RAPGEF6: variants seen among roughly 807,000 people sequenced by gnomAD.
The protein encoded by RAPGEF6 is PDZ domain containing guanine nucleotide exchange factor (GEF) 2.
A neutral mutation model predicts 171.4 loss-of-function variants in RAPGEF6; 56 were observed. The observed-to-expected ratio is 0.33, with a 90% CI of 0.26 to 0.41. The LOEUF (loss-of-function observed/expected upper bound fraction) is 0.41. Ranked by LOEUF, RAPGEF6 falls within the 10% of genes least tolerant of loss-of-function variation. The pLI is 1.00. For synonymous variants in RAPGEF6, 692 were observed against 650.1 expected (o/e 1.06, Z -0.98); for missense variants, 1,674 against 1,921.4 (o/e 0.87, Z 2.41).
intron 1 of RAPGEF6, among the ~76,000 whole-genome samples, chr5:131,618,952 C>T (rs1012828046): frequency 3.3e-5 from 5 of 151,324 alleles, no homozygotes; most frequent in East Asian, 1.9e-4. Flanking sequence ...TCACCTTAAT[C>T]TAATCATGAG....
intron 11 of RAPGEF6, among the ~76,000 whole-genome samples, chr5:131,501,437 A>T (rs1258880791): frequency 6.6e-6 from 1 of 152,138 alleles, no homozygotes; most frequent in Non-Finnish European, 1.5e-5. Context: ...CAGTAAAAAT[A>T]ACATATTTTC....
At chr5:131,585,599 A>C (rs1419524006) in intron 4 of RAPGEF6, among the ~76,000 whole-genome samples, 1 of 152,022 alleles carries the variant, frequency 6.6e-6, no homozygotes, top group African/African-American at 2.4e-5. Flanking sequence ...GCCGAGGTGG[A>C]TGGATCACCT....
chr5:131,546,484 G>A (rs1181820625), intron 6 of RAPGEF6, among the ~76,000 whole-genome samples: 1 of 151,880 alleles, frequency 6.6e-6, no homozygotes, highest in Non-Finnish European at 1.5e-5. Flanking sequence ...GGCGCCTGTA[G>A]TCCCAGCTAC....
chr5:131,433,689 C>CA (rs747407474), intron 24 of RAPGEF6, 31 bp from the exon 25 acceptor site: 10 of 1,433,120 alleles, frequency 7.0e-6, no homozygotes, highest in Middle Eastern at 3.6e-4. Context: ...GATCAAACTA[C>CA]AAAAAAAGGG....
intron 26 of RAPGEF6, 135 bp downstream of exon 26, chr5:131,430,724 T>C (rs1751647709): frequency 8.1e-7 from 1 of 1,237,400 alleles, no homozygotes; most frequent in South Asian, 1.2e-5. Flanking sequence ...GGAAATAACT[T>C]GTTTGTTTGT....
intron 4 of RAPGEF6, among the ~76,000 whole-genome samples, chr5:131,579,866 C>T (rs1387380046): frequency 6.6e-6 from 1 of 152,240 alleles, no homozygotes; most frequent in African/African-American, 2.4e-5. Flanking sequence ...GGCGCATATA[C>T]AATCCCTGAG....
chr5:131,523,225 G>A (rs900576395), intron 6 of RAPGEF6, among the ~76,000 whole-genome samples: 1 of 147,332 alleles, frequency 6.8e-6, no homozygotes, highest in African/African-American at 2.5e-5. Flanking sequence ...TTCGTTAAGA[G>A]CCAAAGAATA....
intron 4 of RAPGEF6, among the ~76,000 whole-genome samples, chr5:131,572,011 C>T (rs1468826864): frequency 6.6e-6 from 1 of 152,154 alleles, no homozygotes; most frequent in African/African-American, 2.4e-5. Flanking sequence ...CTAACACCAC[C>T]GCCTATCTCA....
intron 6 of RAPGEF6, among the ~76,000 whole-genome samples, chr5:131,543,981 A>G (rs1760333677): frequency 6.6e-6 from 1 of 152,194 alleles, no homozygotes; most frequent in South Asian, 2.1e-4. Context: ...GTCATCAGGG[A>G]TACATAAAAT....
intron 15 of RAPGEF6, among the ~76,000 whole-genome samples, chr5:131,482,267 C>T (rs545881754): frequency 7.6e-5 from 6 of 78,466 alleles, no homozygotes; most frequent in African/African-American, 2.1e-4. Context: ...TATACACACA[C>T]GTGTGTGTAT....
chr5:131,480,993 G>A (rs189639303), intron 15 of RAPGEF6, among the ~76,000 whole-genome samples: 6 of 151,234 alleles, frequency 4.0e-5, no homozygotes, highest in East Asian at 2.0e-4. Flanking sequence ...GTGCAATGGC[G>A]CAATCTTGGC....
chr5:131,504,596 G>C (rs1757229729), intron 11 of RAPGEF6, 30 bp downstream of exon 11: 2 of 1,537,060 alleles, frequency 1.3e-6, no homozygotes, highest in Non-Finnish European at 8.7e-7. Context: ...AATAAAATCA[G>C]TGACTAGAAA....
At position 131,570,217 on chromosome 5, in the gene RAPGEF6, G is replaced by A. The variant is rs532889785; in HGVS notation, c.282-8170C>T. ...AGACATTTCACCAAAGAAGATACAG[G>A]AATGTCTAGTAAGCACATAAAAAGA... On this transcript the variant is annotated intron_variant, in intron 4 of 27. Transcript: ENST00000509018. Among the ~76,000 whole-genome samples, 31 of 152,072 alleles carry A rather than the reference G, an allele frequency of 2.0e-4. No homozygotes were observed. The South Asian group carries it at 6.4e-3, about 32-fold the overall frequency.
intron 16 of RAPGEF6, among the ~76,000 whole-genome samples, chr5:131,478,638 A>G (rs1460168295): frequency 6.6e-6 from 1 of 152,178 alleles, no homozygotes; most frequent in Non-Finnish European, 1.5e-5. Context: ...CTCTTGGAGG[A>G]TAAGAACCTT....
chr5:131,501,453 T>G (rs1757022304), intron 11 of RAPGEF6, among the ~76,000 whole-genome samples: 1 of 152,066 alleles, frequency 6.6e-6, no homozygotes, highest in Non-Finnish European at 1.5e-5. Context: ...TTTTCAATAT[T>G]TATGTCACAA....
At chr5:131,624,334 C>A (rs1400404736) in intron 1 of RAPGEF6, among the ~76,000 whole-genome samples, 1 of 152,150 alleles carries the variant, frequency 6.6e-6, no homozygotes, top group Non-Finnish European at 1.5e-5. Context: ...CTGTTCCCAT[C>A]CTATGCAATG....
At chr5:131,455,742 A>G in intron 20 of RAPGEF6, 59 bp downstream of exon 20, 1 of 1,448,078 alleles carries the variant, frequency 6.9e-7, no homozygotes, top group Non-Finnish European at 9.6e-7. Flanking sequence ...ACAAAAATCA[A>G]TTCAGGTAGA....
intron 16 of RAPGEF6, among the ~76,000 whole-genome samples, chr5:131,477,453 G>A (rs141158875): frequency 4.1e-4 from 63 of 152,242 alleles, no homozygotes; most frequent in Non-Finnish European, 6.8e-4. Context: ...CTGAGTTTAA[G>A]CAAAACTATT....
Position 131,623,840 on chromosome 5 carries a change from C to G in RAPGEF6, c.69+11122G>C, listed in dbSNP as rs150255472. 2.6e-4 allele frequency among the ~76,000 whole-genome samples: 40 copies of G among 152,282 alleles called. No individual in the cohort carries two copies. The East Asian group carries it at 7.1e-3, about 27-fold the overall frequency. On this transcript the variant is annotated intron_variant, in intron 1 of 27. Coordinates refer to ENST00000509018, the MANE Select transcript of RAPGEF6 (RefSeq NM_016340.6). ...CAAATATTTAGATATCTACTATGTA[C>G]CAAGTACTGTGTAATGAACACTGGG...
Sources: allele counts gnomAD v4.1 joint callset (sites outside exome capture counted in the v4.1 genomes callset), GRCh38; gene constraint gnomAD v4.1.1; transcripts MANE v1.5; gene names NCBI Gene and HGNC (gene_info 2026-07-23, HGNC 2026-07-21).